The following USH2A variants were observed in gnomAD, a reference collection of about 807,000 sequenced individuals.
USH2A encodes usherin, also known as Usher syndrome 2A (autosomal recessive, mild).
USH2A carries 443 observed loss-of-function variants against 538.9 expected under a neutral mutation model. The ratio of observed to expected loss-of-function variants is 0.82; its 90% CI spans 0.76 to 0.89. USH2A has a LOEUF of 0.89. USH2A is among the 40% of genes least tolerant of loss of function. The pLI is 0.00. For missense variants in USH2A, 6,633 were observed against 6,324.8 expected (o/e 1.05, Z -1.65); for synonymous variants, 2,413 against 2,273.5 (o/e 1.06, Z -1.75).
rs138085351 is a variant in USH2A, at chr1:215,957,172, T to G, written c.7120+8145A>C. Among the ~76,000 whole-genome samples the G allele has an allele frequency of 4.3e-3, 656 of 152,310 alleles. 8 individuals carry two copies. The highest frequency in any genetic ancestry group is 0.014 in the African/African-American group (585 of 41,580). ...CCAAACAAATAGAAACAGAGTAATTTTCTCTATTTCCCCTACATTCCCAAT... is the reference window on the plus strand; with the variant it reads ...CCAAACAAATAGAAACAGAGTAATTGTCTCTATTTCCCCTACATTCCCAAT... On this transcript the variant is annotated intron_variant, in intron 37 of 71. Coordinates refer to ENST00000307340, the MANE Select transcript of USH2A (RefSeq NM_206933.4).
intron 69 of USH2A, 45 bp from the exon 70 acceptor site, chr1:215,634,748 C>G: frequency 6.2e-7 from 1 of 1,614,046 alleles, no homozygotes; most frequent in Non-Finnish European, 8.5e-7. Flanking sequence ...TTTCAGAAAG[C>G]ATTTTTGTCA....
intron 55 of USH2A, among the ~76,000 whole-genome samples, chr1:215,777,969 T>C (rs1661512297): frequency 6.6e-6 from 1 of 152,202 alleles, no homozygotes; most frequent in Non-Finnish European, 1.5e-5. Context: ...TTTCAATCAC[T>C]TGTGATGATT....
intron 65 of USH2A, among the ~76,000 whole-genome samples, chr1:215,650,345 C>T (rs553730588): frequency 4.6e-5 from 7 of 152,034 alleles, no homozygotes; most frequent in Admixed American, 2.6e-4. Flanking sequence ...TAGTTTCTTA[C>T]GTTTGTGGAG....
chr1:216,156,941 T>G (rs1233946245), intron 21 of USH2A, among the ~76,000 whole-genome samples: 1 of 151,700 alleles, frequency 6.6e-6, no homozygotes, highest in Admixed American at 6.6e-5. Flanking sequence ...TGGTGCCATC[T>G]TGGCTCACTG....
chr1:216,377,831 GA>G (rs1373819493), intron 3 of USH2A, among the ~76,000 whole-genome samples: 8 of 97,414 alleles, frequency 8.2e-5, no homozygotes, highest in African/African-American at 3.0e-4. Flanking sequence ...AAGAAAGAAA[GA>G]AAGAAAGAAA....
At chr1:215,992,970 T>A (rs754502726) in intron 35 of USH2A, 50 bp downstream of exon 35, 4 of 1,612,882 alleles carry the variant, frequency 2.5e-6, no homozygotes, top group East Asian at 2.2e-5. Flanking sequence ...GAATATTAAT[T>A]TACCTTTGCT....
chr1:215,696,553 C>A (rs554253259), intron 61 of USH2A, among the ~76,000 whole-genome samples: 1 of 152,302 alleles, frequency 6.6e-6, no homozygotes, highest in East Asian at 1.9e-4. Flanking sequence ...AACCTTACAG[C>A]CTTATTAGTC....
chr1:215,958,011 A>T (rs185048301), intron 37 of USH2A, among the ~76,000 whole-genome samples: 19 of 152,272 alleles, frequency 1.2e-4, no homozygotes, highest in Admixed American at 9.2e-4. Flanking sequence ...GATACCAGGG[A>T]CTATAAAACA....
At chr1:215,671,453 G>A (rs1346388039) in intron 63 of USH2A, among the ~76,000 whole-genome samples, 160 bp from the exon 64 acceptor site, 1 of 152,022 alleles carries the variant, frequency 6.6e-6, no homozygotes, top group Non-Finnish European at 1.5e-5. Flanking sequence ...GCTTGAACCT[G>A]GGAGGCAGAG....
At chr1:215,941,230 A>T (rs917476256) in intron 37 of USH2A, among the ~76,000 whole-genome samples, 1 of 152,200 alleles carries the variant, frequency 6.6e-6, no homozygotes, top group Admixed American at 6.6e-5. Flanking sequence ...AAAATGAAAG[A>T]TATATGTATA....
At chr1:215,990,977 G>A (rs1292248799) in intron 35 of USH2A, among the ~76,000 whole-genome samples, 2 of 151,876 alleles carry the variant, frequency 1.3e-5, no homozygotes, top group African/African-American at 4.8e-5. Context: ...TAGCCAGGAT[G>A]GTCTCGATCT....
intron 48 of USH2A, among the ~76,000 whole-genome samples, chr1:215,816,718 T>C (rs908293075): frequency 2.0e-5 from 3 of 152,084 alleles, no homozygotes; most frequent in African/African-American, 7.2e-5. Flanking sequence ...AAAAGATCTG[T>C]TGTAAAGAAA....
chr1:216,062,129 A>G (rs2031207372), intron 30 of USH2A, among the ~76,000 whole-genome samples: 2 of 152,208 alleles, frequency 1.3e-5, no homozygotes, highest in African/African-American at 2.4e-5. Flanking sequence ...AAGGATAAGG[A>G]TATAGCCCTC....
At chr1:216,123,269 A>G (rs2033172953) in intron 21 of USH2A, among the ~76,000 whole-genome samples, 4 of 152,212 alleles carry the variant, frequency 2.6e-5, no homozygotes. Context: ...ATACAGAAGG[A>G]TATTTTTAAA....
chr1:215,877,873 G>A lies in USH2A; in HGVS notation c.8566C>T (p.Leu2856Phe), dbSNP rs777216402. ...KPNGPNLRYE[L>F]LRRKIQQPLA... ...GGCTGCTGGATTTTACGTCTCAGAA[G>A]CTCATATCTAAAGCAAAAGACAAGC... The change falls in exon 43 of 72, where the codon CTT becomes TTT. Residue 2856 changes from leucine to phenylalanine, a missense_variant. By Grantham distance (22) the Leu-to-Phe change is conservative. Transcript: ENST00000307340. 6.2e-7 allele frequency: 1 copy of A among 1,613,674 alleles called. No homozygotes were observed. Among genetic ancestry groups the A allele is most frequent in the South Asian group, 1.1e-5 (1 of 91,080 alleles).
intron 38 of USH2A, among the ~76,000 whole-genome samples, chr1:215,911,189 T>G (rs912141753): frequency 2.0e-5 from 3 of 152,054 alleles, no homozygotes; most frequent in Non-Finnish European, 4.4e-5. Flanking sequence ...CAAGAATTTA[T>G]CCTTTGAGTT....
intron 30 of USH2A, among the ~76,000 whole-genome samples, chr1:216,062,649 A>C (rs1428363351): frequency 1.3e-5 from 2 of 152,182 alleles, no homozygotes; most frequent in African/African-American, 4.8e-5. Flanking sequence ...CTCCAATGTA[A>C]GGATATGTTT....
chr1:216,268,554 T>A (rs898480106), intron 11 of USH2A, among the ~76,000 whole-genome samples: 1 of 152,122 alleles, frequency 6.6e-6, no homozygotes, highest in African/African-American at 2.4e-5. Flanking sequence ...TCAAACTTTT[T>A]TCAAACCTTC....
At chr1:215,759,361 G>A (rs1430780735) in intron 57 of USH2A, among the ~76,000 whole-genome samples, 2 of 152,032 alleles carry the variant, frequency 1.3e-5, no homozygotes, top group African/African-American at 4.8e-5. Flanking sequence ...GCTAGTTCAA[G>A]GATGCGTGTT....
Sources: allele counts gnomAD v4.1 joint callset (sites outside exome capture counted in the v4.1 genomes callset), GRCh38; gene constraint gnomAD v4.1.1; transcripts MANE v1.5; gene names NCBI Gene and HGNC (gene_info 2026-07-23, HGNC 2026-07-21).